Variants in AKT3 observed in about 807,000 individuals in gnomAD.
AKT3 encodes the protein AKT serine/threonine kinase 3.
AKT3 carries 15 observed loss-of-function variants against 65.3 expected under a neutral mutation model. That is an observed-to-expected ratio of 0.23 (90% confidence interval 0.15 to 0.35). AKT3 has a LOEUF of 0.35. Among genes scored for constraint, AKT3 ranks in the 10% least tolerant of loss-of-function variants. The probability of loss-of-function intolerance (pLI) is 1.00; values close to 1 mark genes in which losing one functional copy is unlikely to be tolerated. For missense variants in AKT3, 243 were observed against 576.5 expected (o/e 0.42, Z 5.92); for synonymous variants, 206 against 183.8 (o/e 1.12, Z -0.98).
intron 2 of AKT3, among the ~76,000 whole-genome samples, chr1:243,799,380 G>A (rs913856906): frequency 5.3e-5 from 8 of 152,094 alleles, no homozygotes; most frequent in Non-Finnish European, 1.0e-4. Flanking sequence ...TTCATTGAAC[G>A]TTTACATTTA....
chr1:243,548,350 T>A (rs1296245853), intron 11 of AKT3: 1 of 152,234 alleles, frequency 6.6e-6, no homozygotes, highest in Non-Finnish European at 1.5e-5. Flanking sequence ...TCCATTTTTG[T>A]AACTCCTCAA....
intron 11 of AKT3, 31 bp downstream of exon 11, chr1:243,552,697 CA>C (rs539858388): frequency 1.9e-6 from 3 of 1,568,326 alleles, no homozygotes; most frequent in Non-Finnish European, 2.6e-6. Flanking sequence ...CCACATTCAT[CA>C]GTAATTCACT....
intron 8 of AKT3, among the ~76,000 whole-genome samples, chr1:243,590,003 A>T (rs1262643190): frequency 6.6e-6 from 1 of 152,182 alleles, no homozygotes; most frequent in Non-Finnish European, 1.5e-5. Context: ...GATGACAAAT[A>T]CTGTATGATC....
chr1:243,699,514 A>ATATATAT (rs1685304874), intron 2 of AKT3, among the ~76,000 whole-genome samples: 1 of 96,740 alleles, frequency 1.0e-5, no homozygotes, highest in African/African-American at 5.5e-5. Context: ...TATATATATA[A>ATATATAT]TCTTCATGGG....
At chr1:243,708,985 A>G (rs1410196011) in intron 2 of AKT3, among the ~76,000 whole-genome samples, 1 of 152,014 alleles carries the variant, frequency 6.6e-6, no homozygotes, top group Non-Finnish European at 1.5e-5. Context: ...TTTACATAGC[A>G]TAAGGATTAT....
chr1:243,533,216 GATATAACA>G (rs1671663888), intron 12 of AKT3, among the ~76,000 whole-genome samples: 1 of 151,908 alleles, frequency 6.6e-6, no homozygotes, highest in Admixed American at 6.6e-5. Flanking sequence ...CTACCAAAAA[GATATAACA>G]ATACTACAAT....
At chr1:243,787,321 T>A (rs1691331129) in intron 2 of AKT3, among the ~76,000 whole-genome samples, 1 of 152,206 alleles carries the variant, frequency 6.6e-6, no homozygotes, top group Non-Finnish European at 1.5e-5. Context: ...CACATTTTTT[T>A]AAATTAACTA....
At chr1:243,744,233 C>T (rs74151211) in intron 2 of AKT3, among the ~76,000 whole-genome samples, 5,869 of 152,088 alleles carry the variant, frequency 0.039, 162 homozygotes, top group Middle Eastern at 0.078. Context: ...CAAAAGCAGG[C>T]AAAACTAATA....
At position 243,689,963 on chromosome 1, in the gene AKT3, A is replaced by G. The variant is rs372406028; in HGVS notation, c.172+5628T>C. On this transcript the variant is annotated intron_variant, in intron 3 of 13. Transcript: ENST00000673466. ...TTGTCTTAAAAAACAAAAAACTTAA[A>G]GAAAAAAGAAAAAAAAGAGTAAATA... Among the ~76,000 whole-genome samples, 67 of 152,212 alleles carry G rather than the reference A, an allele frequency of 4.4e-4. 1 individual carries two copies. In the East Asian group the frequency reaches 9.3e-3, roughly 21 times the overall value.
chr1:243,755,624 A>C (rs1192024710), intron 2 of AKT3, among the ~76,000 whole-genome samples: 15 of 152,220 alleles, frequency 9.9e-5, no homozygotes, highest in Admixed American at 9.8e-4. Flanking sequence ...AACTCTCAAG[A>C]TTCCCCAAAG....
At position 243,493,095 on chromosome 1, in the gene AKT3, A is replaced by G. The variant is rs567613708; in HGVS notation, c.*7-4645T>C. Among the ~76,000 whole-genome samples the G allele has an allele frequency of 1.4e-4, 21 of 152,162 alleles. 1 individual carries two copies. In the South Asian group the frequency reaches 4.2e-3, roughly 30 times the overall value. On this transcript the variant is annotated intron_variant, in intron 13 of 13. Coordinates refer to the AKT3 transcript ENST00000336199. ...CTAGATGCAGTTCCCCACACTCTGTATTCCGGGAGGGTCAGGGCCTCCAGA... is the reference window on the plus strand; with the variant it reads ...CTAGATGCAGTTCCCCACACTCTGTGTTCCGGGAGGGTCAGGGCCTCCAGA...
chr1:243,730,130 A>T (rs142827887), intron 2 of AKT3, among the ~76,000 whole-genome samples: 4 of 152,096 alleles, frequency 2.6e-5, no homozygotes, highest in African/African-American at 2.4e-5. Flanking sequence ...TCAGCCAATG[A>T]AATGGTGTTT....
rs74153910 is a variant in AKT3, at chr1:243,540,030, T to G, written c.1251+5480A>C. Among the ~76,000 whole-genome samples the G allele has an allele frequency of 7.6e-3, 1,158 of 152,210 alleles. 10 individuals are homozygous for G. Among genetic ancestry groups the G allele is most frequent in the African/African-American group, 0.026 (1,087 of 41,554 alleles). On this transcript the variant is annotated intron_variant, in intron 12 of 13. Coordinates refer to ENST00000673466, the MANE Select transcript of AKT3 (RefSeq NM_005465.7). The stretch of plus-strand genomic sequence containing the variant: ...CACCAAATATTTCATTAATAAATAA[T>G]ACAAATCCCATACAAACAATTCAAT...
intron 3 of AKT3, among the ~76,000 whole-genome samples, chr1:243,688,036 G>A (rs969827191): frequency 6.6e-6 from 1 of 152,030 alleles, no homozygotes; most frequent in Non-Finnish European, 1.5e-5. Flanking sequence ...TATCTAAGGT[G>A]ATGGATTTAT....
chr1:243,652,334 A>G (rs948818628), intron 4 of AKT3, among the ~76,000 whole-genome samples: 3 of 152,076 alleles, frequency 2.0e-5, no homozygotes, highest in African/African-American at 7.2e-5. Flanking sequence ...ACAGGCAAGA[A>G]AAGAATTTTC....
At chr1:243,769,807 C>A (rs1276418873) in intron 2 of AKT3, among the ~76,000 whole-genome samples, 1 of 152,150 alleles carries the variant, frequency 6.6e-6, no homozygotes, top group East Asian at 1.9e-4. Flanking sequence ...CTTTGACATA[C>A]AAGTTTTTTA....
At chr1:243,679,321 C>T (rs1228552031) in intron 3 of AKT3, among the ~76,000 whole-genome samples, 3 of 152,100 alleles carry the variant, frequency 2.0e-5, no homozygotes, top group East Asian at 3.9e-4. Flanking sequence ...TTGCATTGCT[C>T]AAGGGTCAAC....
intron 8 of AKT3, among the ~76,000 whole-genome samples, chr1:243,589,854 A>G (rs945192106): frequency 6.7e-6 from 1 of 150,052 alleles, no homozygotes; most frequent in African/African-American, 2.4e-5. Flanking sequence ...AGCAACATCT[A>G]TCAGCAGATA....
At chr1:243,773,448 C>T (rs1690327046) in intron 2 of AKT3, among the ~76,000 whole-genome samples, 2 of 151,992 alleles carry the variant, frequency 1.3e-5, no homozygotes, top group South Asian at 2.1e-4. Context: ...CTTCATCTTT[C>T]TATGCCTCTT....
Sources: allele counts gnomAD v4.1 joint callset (sites outside exome capture counted in the v4.1 genomes callset), GRCh38; gene constraint gnomAD v4.1.1; transcripts MANE v1.5; gene names NCBI Gene and HGNC (gene_info 2026-07-23, HGNC 2026-07-21).